Variants in DHRSX observed in about 807,000 individuals in gnomAD.
DHRSX encodes polyprenol dehydrogenase.
Under a neutral mutation model 34.0 loss-of-function variants are expected in DHRSX, and 31 were observed. The ratio of observed to expected loss-of-function variants is 0.91; its 90% CI spans 0.69 to 1.23. The LOEUF is 1.23. Among genes scored for constraint, DHRSX ranks in the 50% most tolerant of loss-of-function variants. The pLI is 0.00. For missense variants in DHRSX, 414 were observed against 428.1 expected, an observed-to-expected ratio of 0.97 and a Z score of 0.29; for synonymous variants, 201 against 183.8, an observed-to-expected ratio of 1.09 and a Z score of -0.76.
At chrX:2,444,433 T>C (rs1460384985) in intron 1 of DHRSX, among the ~76,000 whole-genome samples, 1 of 152,172 alleles carries the variant, frequency 6.6e-6, no homozygotes, top group Non-Finnish European at 1.5e-5. Flanking sequence ...TGCCCTCCAT[T>C]AAATCAAGTG....
intron 3 of DHRSX, among the ~76,000 whole-genome samples, chrX:2,370,847 G>C (rs2043049792): frequency 6.6e-6 from 1 of 152,158 alleles, no homozygotes; most frequent in Admixed American, 6.6e-5. Context: ...ATCAAGCAAC[G>C]CTTCCTTAGG....
chrX:2,467,258 G>T lies in DHRSX; in HGVS notation c.109+33559C>A, dbSNP rs183463747. On this transcript the variant is annotated intron_variant, in intron 1 of 6. Coordinates refer to ENST00000334651, the MANE Select transcript of DHRSX (RefSeq NM_145177.3). ...ACGTAGAAGGTGCATGCCTGCTCTA[G>T]GCTTCCACAAATCCCCGAGACCTAA... Among the ~76,000 whole-genome samples the T allele has an allele frequency of 5.4e-3, 822 of 152,146 alleles. 8 individuals are homozygous for T. The highest frequency in any genetic ancestry group is 0.018 in the African/African-American group (764 of 41,514).
At chrX:2,272,075 C>T (rs1308585635) in intron 4 of DHRSX, among the ~76,000 whole-genome samples, 5 of 151,444 alleles carry the variant, frequency 3.3e-5, no homozygotes, top group African/African-American at 1.2e-4. Context: ...CTGTTTCTTG[C>T]AGCACAACTC....
chrX:2,282,980 G>A (rs2041747615), intron 4 of DHRSX, among the ~76,000 whole-genome samples: 2 of 151,458 alleles, frequency 1.3e-5, no homozygotes, highest in African/African-American at 2.4e-5. Flanking sequence ...GCAAAAGAGA[G>A]GAAAAGTGAG....
chrX:2,294,760 CAG>C (rs1209412469), intron 3 of DHRSX, among the ~76,000 whole-genome samples: 1 of 137,720 alleles, frequency 7.3e-6, no homozygotes, highest in African/African-American at 2.7e-5. Context: ...AAGAGAGAGA[CAG>C]AGAAAGAGAG....
intron 3 of DHRSX, among the ~76,000 whole-genome samples, chrX:2,294,821 A>G: frequency 6.8e-6 from 1 of 146,784 alleles, no homozygotes; most frequent in East Asian, 1.9e-4. Flanking sequence ...AAAGAGAGGG[A>G]GAGAGAGAGG....
chrX:2,414,148 C>T (rs2043665433), intron 2 of DHRSX, among the ~76,000 whole-genome samples: 1 of 151,892 alleles, frequency 6.6e-6, no homozygotes, highest in South Asian at 2.1e-4. Context: ...CTAATCATGA[C>T]TGACTATGAC....
rs1356099091 is a variant in DHRSX, at chrX:2,313,509, C to T, written c.287-21906G>A. Among the ~76,000 whole-genome samples the T allele has an allele frequency of 7.2e-5, 11 of 152,128 alleles. No homozygotes were observed. In the East Asian group the frequency reaches 2.1e-3, roughly 29 times the overall value. On this transcript the variant is annotated intron_variant, in intron 3 of 6. Transcript: ENST00000334651. ...TCAGCCTCCCAAATAGCTGGGACTA[C>T]AGGCAAGCGCCACCATGCCCAGCTA...
intron 1 of DHRSX, among the ~76,000 whole-genome samples, chrX:2,444,816 C>T (rs2044107402): frequency 6.7e-6 from 1 of 150,210 alleles, no homozygotes; most frequent in East Asian, 2.0e-4. Flanking sequence ...GCCTGTGGGA[C>T]ACAGCAAGAC....
chrX:2,253,992 C>T (rs1051082085), intron 5 of DHRSX, among the ~76,000 whole-genome samples: 23 of 151,866 alleles, frequency 1.5e-4, no homozygotes, highest in African/African-American at 5.3e-4. Context: ...ACCCGGAAGG[C>T]GGAGCTTGCA....
At chrX:2,485,749 G>A (rs1465595036) in intron 1 of DHRSX, among the ~76,000 whole-genome samples, 2 of 56,698 alleles carry the variant, frequency 3.5e-5, no homozygotes, top group African/African-American at 8.4e-5. Flanking sequence ...AGAGAAGGGA[G>A]GGAAGGAAGG....
intron 1 of DHRSX, among the ~76,000 whole-genome samples, chrX:2,484,965 A>G (rs1171006969): frequency 6.6e-6 from 1 of 151,946 alleles, no homozygotes; most frequent in Non-Finnish European, 1.5e-5. Flanking sequence ...AACATCCGAA[A>G]CCTTTTTCTC....
intron 3 of DHRSX, among the ~76,000 whole-genome samples, chrX:2,381,376 A>C (rs1170855691): frequency 2.0e-5 from 3 of 152,128 alleles, no homozygotes; most frequent in Non-Finnish European, 2.9e-5. Flanking sequence ...TCCTCACCAG[A>C]CACTGAACGT....
chrX:2,237,225 C>T lies in DHRSX; in HGVS notation c.804+5798G>A, dbSNP rs181920643. Among the ~76,000 whole-genome samples the T allele has an allele frequency of 3.6e-3, 542 of 152,142 alleles. 3 individuals carry two copies. Among genetic ancestry groups the T allele is most frequent in the African/African-American group, 0.013 (523 of 41,514 alleles). On this transcript the variant is annotated intron_variant, in intron 6 of 6. Coordinates refer to ENST00000334651, the MANE Select transcript of DHRSX (RefSeq NM_145177.3). The stretch of plus-strand genomic sequence containing the variant: ...TAAAAAAATTCCCAGTACCTGCATC[C>T]TTGATTTGATTAATTAACCTGTCAC...
At chrX:2,378,964 G>A (rs755384795) in intron 3 of DHRSX, among the ~76,000 whole-genome samples, 21 of 152,178 alleles carry the variant, frequency 1.4e-4, no homozygotes, top group Admixed American at 1.2e-3. Context: ...GAGCCACCGC[G>A]CCCGGCCTTT....
intron 3 of DHRSX, among the ~76,000 whole-genome samples, chrX:2,335,576 G>A (rs77266944): frequency 0.26 from 39,241 of 150,972 alleles, 6,045 homozygotes; most frequent in African/African-American, 0.42. Context: ...TCAGCCTCCC[G>A]AGTAGCCGGG....
At chrX:2,266,690 C>T in intron 5 of DHRSX, 50 bp downstream of exon 5, 2 of 1,569,530 alleles carry the variant, frequency 1.3e-6, no homozygotes, top group Non-Finnish European at 1.8e-6. Context: ...AGATGAATAA[C>T]CTTTAACCCA....
chrX:2,452,481 C>T (rs1182534940), intron 1 of DHRSX, among the ~76,000 whole-genome samples: 1 of 151,638 alleles, frequency 6.6e-6, no homozygotes, highest in Non-Finnish European at 1.5e-5. Flanking sequence ...ACACTGAAGA[C>T]GTTCCCTAAC....
At chrX:2,385,150 ATGTG>A (rs1342291783) in intron 3 of DHRSX, among the ~76,000 whole-genome samples, 39 of 117,926 alleles carry the variant, frequency 3.3e-4, no homozygotes, top group African/African-American at 1.1e-3. Flanking sequence ...GTGTATATAT[ATGTG>A]TGTGTGTGTA....
Sources: allele counts gnomAD v4.1 joint callset (sites outside exome capture counted in the v4.1 genomes callset), GRCh38; gene constraint gnomAD v4.1.1; transcripts MANE v1.5; gene names NCBI Gene and HGNC (gene_info 2026-07-23, HGNC 2026-07-21).